SIPA1L3: variants seen among roughly 807,000 people sequenced by gnomAD.
SIPA1L3 encodes signal-induced proliferation-associated 1-like protein 3.
A neutral mutation model predicts 150.1 loss-of-function variants in SIPA1L3; 59 were observed. The observed-to-expected ratio is 0.39, with a 90% CI of 0.32 to 0.49. The LOEUF (loss-of-function observed/expected upper bound fraction) is 0.49, where lower values mean the gene tolerates loss of function less well. Among genes scored for constraint, SIPA1L3 ranks in the 20% least tolerant of loss-of-function variants. The pLI is 0.86. For synonymous variants in SIPA1L3, 1,070 were observed against 1,077.6 expected (o/e 0.99, Z 0.14); for missense variants, 2,211 against 2,489.5 (o/e 0.89, Z 2.38).
At position 38,100,099 on chromosome 19, in the gene SIPA1L3, C is replaced by T; in HGVS notation, c.1803C>T (p.Ala601=). Reference sequence around the variant, plus strand: ...TCAACATCCACTGCCTGCGGCTGGCCCTCAACACCCCCAAGGTGACGGAGC... The same window carrying T: ...TCAACATCCACTGCCTGCGGCTGGCTCTCAACACCCCCAAGGTGACGGAGC... ...PELNIHCLRL[A]LNTPKVTEQL... The change falls in exon 5 of 22, where the codon GCC becomes GCT. Residue 601 remains alanine, a synonymous_variant. Transcript: ENST00000222345. The T allele has an allele frequency of 6.2e-7, 1 of 1,609,894 alleles. No individual in the cohort carries two copies. The highest frequency in any genetic ancestry group is 8.5e-7 in the Non-Finnish European group (1 of 1,178,424).
At chr19:38,205,659 C>G (rs1973194048) in intron 21 of SIPA1L3, among the ~76,000 whole-genome samples, 1 of 152,132 alleles carries the variant, frequency 6.6e-6, no homozygotes. Context: ...CTACGTCCTC[C>G]TGGAAGAAGG....
intron 4 of SIPA1L3, among the ~76,000 whole-genome samples, chr19:38,091,557 A>G (rs1970258549): frequency 2.0e-5 from 3 of 152,196 alleles, no homozygotes; most frequent in Admixed American, 2.0e-4. Flanking sequence ...CCTCATTTAC[A>G]GATGACAGAA....
chr19:37,968,174 G>A (rs1337662913), intron 1 of SIPA1L3, among the ~76,000 whole-genome samples: 1 of 151,922 alleles, frequency 6.6e-6, no homozygotes, highest in Non-Finnish European at 1.5e-5. Flanking sequence ...CCGGGTTCAA[G>A]CGATTCTCCT....
intron 4 of SIPA1L3, among the ~76,000 whole-genome samples, chr19:38,099,327 C>G (rs1970447102): frequency 7.2e-6 from 1 of 139,664 alleles, no homozygotes; most frequent in African/African-American, 2.8e-5. Flanking sequence ...GTGAGCCACC[C>G]ACGCCTGGCC....
chr19:38,130,083 T>C (rs1042779458), intron 9 of SIPA1L3, among the ~76,000 whole-genome samples: 3 of 151,968 alleles, frequency 2.0e-5, no homozygotes, highest in Admixed American at 1.3e-4. Flanking sequence ...AAATAAATAA[T>C]AAAATGATGA....
At chr19:38,148,168 T>C (rs1239824630) in intron 12 of SIPA1L3, among the ~76,000 whole-genome samples, 1 of 151,898 alleles carries the variant, frequency 6.6e-6, no homozygotes, top group Non-Finnish European at 1.5e-5. Context: ...CTGGCCAAGA[T>C]GGTGAAACCC....
At chr19:38,123,966 G>A (rs1174468674) in intron 9 of SIPA1L3, among the ~76,000 whole-genome samples, 29 of 121,396 alleles carry the variant, frequency 2.4e-4, no homozygotes, top group African/African-American at 3.5e-4. Flanking sequence ...CTGGCCGGGC[G>A]GGGGGCCAAC....
intron 1 of SIPA1L3, among the ~76,000 whole-genome samples, chr19:38,007,830 C>T (rs1306250762): frequency 6.6e-6 from 1 of 152,120 alleles, no homozygotes; most frequent in Non-Finnish European, 1.5e-5. Flanking sequence ...CGGCCTTCCT[C>T]AGCACCCTGT....
intron 1 of SIPA1L3, among the ~76,000 whole-genome samples, chr19:37,952,014 A>G (rs940830372): frequency 2.6e-5 from 4 of 151,800 alleles, no homozygotes; most frequent in Middle Eastern, 3.4e-3. Flanking sequence ...TCTTCCTGCC[A>G]TAGGGATTGG....
chr19:38,034,059 G>A (rs575053619), intron 2 of SIPA1L3, among the ~76,000 whole-genome samples: 1 of 152,282 alleles, frequency 6.6e-6, no homozygotes, highest in East Asian at 1.9e-4. Context: ...TCAGGGCAGA[G>A]CCGCTTTGAT....
intron 1 of SIPA1L3, among the ~76,000 whole-genome samples, chr19:37,952,372 T>G (rs1031217659): frequency 4.7e-5 from 7 of 147,444 alleles, no homozygotes; most frequent in African/African-American, 7.3e-5. Flanking sequence ...GAATCTATAT[T>G]TAAATTTAAA....
chr19:38,173,077 G>A (rs1414733881), intron 15 of SIPA1L3, among the ~76,000 whole-genome samples: 2 of 152,100 alleles, frequency 1.3e-5, no homozygotes, highest in Non-Finnish European at 2.9e-5. Flanking sequence ...ACTCAGCCTG[G>A]GTGACAAAGT....
chr19:38,201,819 G>A (rs376596372), intron 19 of SIPA1L3, 43 bp from the exon 20 acceptor site: 29 of 1,558,016 alleles, frequency 1.9e-5, no homozygotes, highest in African/African-American at 2.7e-5. Flanking sequence ...GGGAGAAGCC[G>A]GGAGCCTTGC....
At chr19:38,052,491 C>T (rs1006244370) in intron 2 of SIPA1L3, among the ~76,000 whole-genome samples, 29 of 152,248 alleles carry the variant, frequency 1.9e-4, no homozygotes, top group African/African-American at 7.0e-4. Flanking sequence ...CCACCTCTAC[C>T]TTCCAGGCTT....
Position 38,198,552 on chromosome 19 carries a change from T to A in SIPA1L3, c.4984+20T>A. 1.3e-6 allele frequency: 2 copies of A among 1,493,750 alleles called. No homozygotes were observed. Among genetic ancestry groups the A allele is most frequent in the African/African-American group, 2.9e-5 (2 of 70,056 alleles). The allele number at this position is 1,493,750 out of a possible 1,614,324, so 92.5% of individuals were successfully genotyped here. ...ACGAAGGTAGGCGCCTTCCACCCAG[T>A]CCCGCCAGGCCCCCACCCCGTCCTC... On this transcript the variant is annotated intron_variant, in intron 19 of 21. Coordinates refer to ENST00000222345, the MANE Select transcript of SIPA1L3 (RefSeq NM_015073.3).
Position 38,110,333 on chromosome 19 carries a change from T to C in SIPA1L3, c.2240T>C (p.Val747Ala). The C allele has an allele frequency of 6.2e-7, 1 of 1,613,706 alleles. No individual in the cohort carries two copies. The highest frequency in any genetic ancestry group is 8.5e-7 in the Non-Finnish European group (1 of 1,179,882). The change falls in exon 8 of 22, where the codon GTC (valine) becomes GCC (alanine). Residue 747 changes from valine (V) to alanine (A), a missense_variant. Physicochemically the swap from Val to Ala is moderately conservative, Grantham distance 64. Transcript: ENST00000222345. ...PKNIRSHFQH[V>A]FIIVRVHNPC... ...AACATCCGCTCCCACTTCCAGCACG[T>C]CTTCATCATTGTCCGAGTCCACAAC...
chr19:38,031,152 A>C (rs1334838667), intron 2 of SIPA1L3, among the ~76,000 whole-genome samples: 1 of 152,164 alleles, frequency 6.6e-6, no homozygotes, highest in East Asian at 1.9e-4. Context: ...GTGATTTTAG[A>C]GTTATAAAAA....
rs759600416 is a variant in SIPA1L3 at position 38,106,633 on chromosome 19, G to A, written c.2126G>A (p.Arg709Lys). 1.2e-6 allele frequency: 2 copies of A among 1,610,714 alleles called. No homozygotes were observed. Among genetic ancestry groups the A allele is most frequent in the South Asian group, 1.1e-5 (1 of 91,014 alleles). Reference sequence around the variant, plus strand: ...CTGCTCCCTTACACCCCCAACAACAGGCAGCAGGTCAGTGATTTTCAGCAG... The same window carrying A: ...CTGCTCCCTTACACCCCCAACAACAAGCAGCAGGTCAGTGATTTTCAGCAG... ...STLLPYTPNN[R>K]QQLLRKRHIG... Residue 709 changes from arginine to lysine, a missense_variant, in exon 7 of 22, where the codon AGG becomes AAG. Physicochemically the swap from Arg to Lys is conservative, Grantham distance 26 (BLOSUM62 2). Around this residue, in one of 5 missense-constraint regions of SIPA1L3, gnomAD observed 625 missense variants for 804.2 expected, o/e 0.78. Transcript: ENST00000222345.
intron 13 of SIPA1L3, among the ~76,000 whole-genome samples, chr19:38,158,371 A>G (rs1408461772): frequency 6.6e-6 from 1 of 152,222 alleles, no homozygotes; most frequent in African/African-American, 2.4e-5. Context: ...ATTCCAGGGA[A>G]AGTGAACAGC....
Sources: allele counts gnomAD v4.1 joint callset (sites outside exome capture counted in the v4.1 genomes callset), GRCh38; gene constraint gnomAD v4.1.1; regional missense constraint gnomAD v4.1.1; transcripts MANE v1.5; gene names NCBI Gene and HGNC (gene_info 2026-07-23, HGNC 2026-07-21).